The following TMEM132D variants were observed in gnomAD, a reference collection of about 807,000 sequenced individuals.
The protein encoded by TMEM132D is transmembrane protein 132D, also known as mature OL transmembrane protein.
TMEM132D carries 21 observed loss-of-function variants against 62.3 expected under a neutral mutation model. The observed-to-expected ratio is 0.34, with a 90% CI of 0.24 to 0.49. The LOEUF is 0.49. TMEM132D is among the 20% of genes least tolerant of loss of function. The pLI is 0.99. For synonymous variants in TMEM132D, 621 were observed against 575.6 expected (o/e 1.08, Z -1.13); for missense variants, 1,346 against 1,402.8 (o/e 0.96, Z 0.65).
intron 1 of TMEM132D, among the ~76,000 whole-genome samples, chr12:129,793,698 A>T (rs1474820205): frequency 6.6e-6 from 1 of 152,194 alleles, no homozygotes; most frequent in Non-Finnish European, 1.5e-5. Context: ...TCTGATAAAC[A>T]CAGCCAAACT....
intron 5 of TMEM132D, among the ~76,000 whole-genome samples, chr12:129,099,374 C>A (rs1478419714): frequency 6.6e-6 from 1 of 152,182 alleles, no homozygotes; most frequent in Non-Finnish European, 1.5e-5. Flanking sequence ...CTTCAGAGGG[C>A]AAAGGAGAAG....
Position 129,202,233 on chromosome 12 carries a change from T to C in TMEM132D, c.1443+7287A>G, listed in dbSNP as rs1447985670. On this transcript the variant is annotated intron_variant, in intron 5 of 8. Coordinates refer to ENST00000422113, the MANE Select transcript of TMEM132D (RefSeq NM_133448.3). ...GGGGCCTTTAAAGGCCGACCTTCTCTGCTCAGAGGCTTTCCAGGGGCTGCA... is the reference window on the plus strand; with the variant it reads ...GGGGCCTTTAAAGGCCGACCTTCTCCGCTCAGAGGCTTTCCAGGGGCTGCA... Among the ~76,000 whole-genome samples, 9 of 152,334 alleles carry C rather than the reference T, an allele frequency of 5.9e-5. No homozygotes were observed. In the South Asian group the frequency reaches 1.9e-3, roughly 32 times the overall value.
At chr12:129,296,081 C>T (rs1273588024) in intron 4 of TMEM132D, among the ~76,000 whole-genome samples, 2 of 151,410 alleles carry the variant, frequency 1.3e-5, no homozygotes, top group South Asian at 2.1e-4. Context: ...CACACACACA[C>T]ACACATATAT....
chr12:129,687,694 T>C (rs973728562), intron 2 of TMEM132D, among the ~76,000 whole-genome samples: 11 of 152,074 alleles, frequency 7.2e-5, no homozygotes, highest in Admixed American at 2.6e-4. Flanking sequence ...CTTGTTGGTA[T>C]AGGCACTCCT....
At chr12:129,808,112 A>G (rs1948359324) in intron 1 of TMEM132D, among the ~76,000 whole-genome samples, 1 of 152,246 alleles carries the variant, frequency 6.6e-6, no homozygotes, top group Admixed American at 6.5e-5. Context: ...GAAAGGAGCT[A>G]GTTGCACACC....
intron 3 of TMEM132D, among the ~76,000 whole-genome samples, chr12:129,408,909 C>CTGTTTT (rs71451312): frequency 3.3e-5 from 5 of 151,682 alleles, no homozygotes; most frequent in African/African-American, 1.2e-4. Flanking sequence ...GAAGTTCTCT[C>CTGTTTT]TGTTTTTGTT....
At chr12:129,287,205 A>C (rs936327759) in intron 4 of TMEM132D, among the ~76,000 whole-genome samples, 1 of 152,250 alleles carries the variant, frequency 6.6e-6, no homozygotes, top group African/African-American at 2.4e-5. Flanking sequence ...TTGAAGTGCT[A>C]TGAACTGATG....
At chr12:129,129,050 A>G (rs1346818836) in intron 5 of TMEM132D, among the ~76,000 whole-genome samples, 8 of 152,146 alleles carry the variant, frequency 5.3e-5, no homozygotes, top group African/African-American at 1.4e-4. Context: ...GGTATATTGC[A>G]TGATGCTGAG....
chr12:129,590,794 G>A (rs1056528328), intron 2 of TMEM132D, among the ~76,000 whole-genome samples: 3 of 152,174 alleles, frequency 2.0e-5, no homozygotes, highest in Non-Finnish European at 4.4e-5. Context: ...GTCCAGGACA[G>A]CTCATTTTCT....
At chr12:129,767,932 A>G (rs1234033730) in intron 1 of TMEM132D, among the ~76,000 whole-genome samples, 1 of 152,194 alleles carries the variant, frequency 6.6e-6, no homozygotes, top group Non-Finnish European at 1.5e-5. Flanking sequence ...GCAAAGGCAC[A>G]TCTCACATGG....
At chr12:129,264,929 G>T (rs573520324) in intron 4 of TMEM132D, among the ~76,000 whole-genome samples, 1 of 152,132 alleles carries the variant, frequency 6.6e-6, no homozygotes, top group Non-Finnish European at 1.5e-5. Context: ...GAGTGAGAAG[G>T]GGGTGAGGAA....
intron 1 of TMEM132D, among the ~76,000 whole-genome samples, chr12:129,824,006 C>T (rs1415173804): frequency 6.6e-6 from 1 of 152,102 alleles, no homozygotes; most frequent in Non-Finnish European, 1.5e-5. Context: ...GAAGTCATCC[C>T]ATCCTATGAC....
chr12:129,251,763 T>A (rs1222629207), intron 4 of TMEM132D, among the ~76,000 whole-genome samples: 4 of 152,172 alleles, frequency 2.6e-5, no homozygotes, highest in African/African-American at 9.7e-5. Flanking sequence ...TAGGAGGGAA[T>A]AATGTGTCCT....
intron 4 of TMEM132D, among the ~76,000 whole-genome samples, chr12:129,307,677 C>A (rs1881877056): frequency 6.6e-6 from 1 of 152,070 alleles, no homozygotes; most frequent in Non-Finnish European, 1.5e-5. Flanking sequence ...AGGAACAAGT[C>A]TCCTGATCAC....
chr12:129,671,572 G>T (rs985992429), intron 2 of TMEM132D, among the ~76,000 whole-genome samples: 2 of 152,098 alleles, frequency 1.3e-5, no homozygotes, highest in Non-Finnish European at 2.9e-5. Flanking sequence ...CGTGGTGAGG[G>T]CAGCTATATG....
chr12:129,375,276 AT>A (rs1870752253), intron 3 of TMEM132D, among the ~76,000 whole-genome samples: 1 of 152,224 alleles, frequency 6.6e-6, no homozygotes, highest in Non-Finnish European at 1.5e-5. Context: ...ACACAGAACA[AT>A]TTACCAACAG....
intron 1 of TMEM132D, among the ~76,000 whole-genome samples, chr12:129,898,194 G>A (rs1875212630): frequency 6.6e-6 from 1 of 152,134 alleles, no homozygotes; most frequent in Non-Finnish European, 1.5e-5. Flanking sequence ...TACTGGAAAA[G>A]GCAGCATCAA....
At chr12:129,551,445 G>A (rs528751868) in intron 2 of TMEM132D, among the ~76,000 whole-genome samples, 59 of 152,306 alleles carry the variant, frequency 3.9e-4, no homozygotes, top group African/African-American at 1.3e-3. Flanking sequence ...GGGGTTGAAT[G>A]TGTCCTACAA....
At chr12:129,866,402 A>G (rs1298786708) in intron 1 of TMEM132D, among the ~76,000 whole-genome samples, 3 of 136,458 alleles carry the variant, frequency 2.2e-5, no homozygotes, top group Non-Finnish European at 3.1e-5. Context: ...ATGAGAACAC[A>G]TGGACACAAG....
Sources: gnomAD v4.1 joint callset for allele counts (sites outside exome capture counted in the v4.1 genomes callset) on GRCh38, gnomAD v4.1.1 for gene constraint, MANE v1.5 for transcripts, NCBI Gene and HGNC (gene_info 2026-07-23, HGNC 2026-07-21) for gene names.